FBXL3: variants seen among roughly 807,000 people sequenced by gnomAD.
The protein encoded by FBXL3 is F-box and leucine rich repeat protein 3.
A neutral mutation model predicts 37.9 loss-of-function variants in FBXL3; 14 were observed. The ratio of observed to expected loss-of-function variants is 0.37; its 90% CI spans 0.24 to 0.58. The LOEUF (loss-of-function observed/expected upper bound fraction) is 0.58. Among genes scored for constraint, FBXL3 ranks in the 20% least tolerant of loss-of-function variants. The probability of loss-of-function intolerance (pLI) is 0.74; values close to 1 mark genes in which losing one functional copy is unlikely to be tolerated. For missense variants in FBXL3, 327 were observed against 511.1 expected (o/e 0.64, Z 3.47); for synonymous variants, 194 against 180.1 (o/e 1.08, Z -0.62).
intron 2 of FBXL3, among the ~76,000 whole-genome samples, chr13:77,019,458 CACT>C (rs2034703051): frequency 6.6e-6 from 1 of 152,176 alleles, no homozygotes; most frequent in Non-Finnish European, 1.5e-5. Context: ...GATTCATATA[CACT>C]ACTTTATCCC....
At chr13:77,025,298 A>C (rs1278708695) in intron 1 of FBXL3, among the ~76,000 whole-genome samples, 2 of 152,166 alleles carry the variant, frequency 1.3e-5, no homozygotes, top group African/African-American at 4.8e-5. Context: ...GGCCCCAAAT[A>C]ATGCAACTTA....
chr13:77,015,326 C>A, intron 4 of FBXL3, 83 bp downstream of exon 4: 1 of 1,003,514 alleles, frequency 1.0e-6, no homozygotes, highest in Non-Finnish European at 1.4e-6. Flanking sequence ...AATCCACCTT[C>A]AAGGTTAATG....
Position 77,007,525 on chromosome 13 carries a change from A to C in FBXL3, c.907T>G (p.Phe303Val). ...GTGGCAGGTATTTCATAGCGAAAGA[A>C]GGGGTCAAATTCTTCTTCATATAAA... ...FFLYEEEFDP[F>V]FRYEIPATHL... is the part of the protein sequence containing the mutation. Residue 303 changes from phenylalanine (F) to valine (V), a missense_variant, in exon 5 of 5, where the codon TTC becomes GTC. Physicochemically the swap from Phe to Val is conservative, Grantham distance 50. Coordinates refer to ENST00000355619, the MANE Select transcript of FBXL3 (RefSeq NM_012158.4). 2 of 1,614,200 alleles carry C rather than the reference A, an allele frequency of 1.2e-6. No individual in the cohort carries two copies. The highest frequency in any genetic ancestry group is 1.7e-6 in the Non-Finnish European group (2 of 1,180,040).
rs2034746546 is a variant in FBXL3, at chr13:77,021,690, A to G, written c.171T>C (p.Ala57=). Residue 57 remains alanine, a synonymous_variant, in exon 2 of 5, where the codon GCT becomes GCC. Coordinates refer to ENST00000355619, the MANE Select transcript of FBXL3 (RefSeq NM_012158.4). The stretch of plus-strand genomic sequence containing the variant: ...AGTTGCGGCAAACTTGTGAAGCATG[A>G]GCCCGGTCAAGAAGAGGCAAATATT... ...VFKYLPLLDR[A]HASQVCRNWN... 5.6e-6 allele frequency: 9 copies of G among 1,614,144 alleles called. No individual in the cohort carries two copies. The East Asian group carries it at 1.8e-4, about 32-fold the overall frequency.
chr13:77,020,483 G>A (rs899927154), intron 2 of FBXL3, among the ~76,000 whole-genome samples: 8 of 152,110 alleles, frequency 5.3e-5, no homozygotes, highest in African/African-American at 1.9e-4. Flanking sequence ...TACATTCTTC[G>A]AGGGAAGACA....
intron 1 of FBXL3, among the ~76,000 whole-genome samples, chr13:77,022,609 C>T (rs2034765325): frequency 6.6e-6 from 1 of 152,222 alleles, no homozygotes; most frequent in Non-Finnish European, 1.5e-5. Flanking sequence ...TACTGCCAGA[C>T]ATTTCTTAAC....
At chr13:77,022,774 C>T (rs1236658346) in intron 1 of FBXL3, among the ~76,000 whole-genome samples, 1 of 152,148 alleles carries the variant, frequency 6.6e-6, no homozygotes, top group African/African-American at 2.4e-5. Flanking sequence ...TTAGCACTTT[C>T]ATTCCATTAG....
At chr13:77,010,983 A>T (rs1182731031) in intron 4 of FBXL3, 2 of 152,264 alleles carry the variant, frequency 1.3e-5, no homozygotes, top group African/African-American at 2.4e-5. Context: ...CAGTGACAAA[A>T]GTAAAATAAA....
intron 3 of FBXL3, chr13:77,015,847 G>T (rs573821377): frequency 1.9e-5 from 4 of 210,552 alleles, no homozygotes; most frequent in Non-Finnish European, 3.7e-5. Flanking sequence ...GAAACCACTG[G>T]TAAGTAAAAA....
At position 77,006,741 on chromosome 13, in the gene FBXL3, G is replaced by C. The variant is rs1035698048; in HGVS notation, c.*404C>G. ...CTATATTAAACACCTTATAACAGGT[G>C]TATGTGTAACTGAAGACCCTAAAAT... is the stretch of plus-strand genomic sequence containing the variant. On this transcript the variant is annotated 3_prime_UTR_variant, in exon 5 of 5. Transcript: ENST00000355619. 1 of 882,528 alleles carries C rather than the reference G, an allele frequency of 1.1e-6. No individual in the cohort carries two copies. Among genetic ancestry groups the C allele is most frequent in the African/African-American group, 1.8e-5 (1 of 55,040 alleles). 54.7% of individuals were successfully genotyped at this position (882,528 alleles called of 1,614,324 possible).
intron 1 of FBXL3, 128 bp downstream of exon 1, chr13:77,026,699 G>C (rs1240627746): frequency 2.0e-5 from 3 of 148,350 alleles, no homozygotes; most frequent in Non-Finnish European, 4.5e-5. Flanking sequence ...CTGAGGAGCG[G>C]CCCGCGCGCG....
In FBXL3 at chr13:77,024,746, A is replaced by G. The variant is rs112006514; in HGVS notation, c.-2+2081T>C. ...CTCTTGATCTAGATATAAAAACACT[A>G]TATGATCACCAAAGCCTATTTTAAG... On this transcript the variant is annotated intron_variant, in intron 1 of 4. Transcript: ENST00000355619. Among the ~76,000 whole-genome samples the G allele has an allele frequency of 2.6e-3, 391 of 152,326 alleles. 3 individuals carry two copies. Among genetic ancestry groups the G allele is most frequent in the African/African-American group, 8.8e-3 (365 of 41,578 alleles).
At chr13:77,025,897 T>C (rs946259626) in intron 1 of FBXL3, among the ~76,000 whole-genome samples, 5 of 152,126 alleles carry the variant, frequency 3.3e-5, no homozygotes, top group Non-Finnish European at 7.4e-5. Context: ...ATCAAACTAA[T>C]ATGCATTCTT....
rs2034627833 is a variant in FBXL3 at position 77,015,532 on chromosome 13, G to T, written c.520C>A (p.Leu174Met). The change falls in exon 4 of 5, where the codon CTG becomes ATG. Residue 174 changes from leucine (L) to methionine (M), a missense_variant. Leu to Met is a conservative substitution (Grantham distance 15). Transcript: ENST00000355619. ...LTVVFVNSKS[L>M]SSLKIDDTPV... ...GTATCATCTATCTTAAGCGAAGACAGGGATTTGGAGTTTACGAACACAACT... is the reference window on the plus strand; with the variant it reads ...GTATCATCTATCTTAAGCGAAGACATGGATTTGGAGTTTACGAACACAACT... 6.2e-7 allele frequency: 1 copy of T among 1,602,990 alleles called. No individual in the cohort carries two copies. Among genetic ancestry groups the T allele is most frequent in the East Asian group, 2.3e-5 (1 of 44,310 alleles).
Position 77,005,545 on chromosome 13 carries a change from G to C in FBXL3, c.*1600C>G, listed in dbSNP as rs2154035723. On this transcript the variant is annotated 3_prime_UTR_variant, in exon 5 of 5. Transcript: ENST00000355619. ...GAGCTTTTTACTATTTAGAAGGAGG[G>C]GATATATTACTATAATTGCTGTTAA... is the stretch of plus-strand genomic sequence containing the variant. 1 of 152,386 alleles carries C rather than the reference G, an allele frequency of 6.6e-6. No homozygotes were observed. The highest frequency in any genetic ancestry group is 1.9e-4 in the East Asian group (1 of 5,182). 9.4% of individuals were successfully genotyped at this position (152,386 alleles called of 1,614,324 possible).
At chr13:77,014,976 C>CACTTAGTACAACTTAGTTGTACA (rs894698975) in intron 4 of FBXL3, 6 of 152,314 alleles carry the variant, frequency 3.9e-5, no homozygotes, top group African/African-American at 7.2e-5. Context: ...CTAAGGCTAC[C>CACTTAGTACAACTTAGTTGTACA]ACTTAGTACA....
chr13:77,008,877 A>G lies in FBXL3; in HGVS notation c.644-1089T>C, dbSNP rs570114476. 5.3e-5 allele frequency: 8 copies of G among 152,208 alleles called. No homozygotes were observed. The South Asian group carries it at 1.5e-3, about 28-fold the overall frequency. 9.4% of individuals were successfully genotyped at this position (152,208 alleles called of 1,614,324 possible). ...CTACTATAAGAATTCTACCCCAAAG[A>G]GGCACCTTATATTACCTGGTAAGTT... is the stretch of plus-strand genomic sequence containing the variant. On this transcript the variant is annotated intron_variant, in intron 4 of 4. Transcript: ENST00000355619.
chr13:77,021,212 A>G (rs749381130), intron 2 of FBXL3, among the ~76,000 whole-genome samples: 36 of 152,198 alleles, frequency 2.4e-4, no homozygotes, highest in Admixed American at 7.2e-4. Context: ...ATTTTATTAG[A>G]TATTTCTTCT....
At position 77,005,508 on chromosome 13, in the gene FBXL3, C is replaced by T. The variant is rs2034434980; in HGVS notation, c.*1637G>A. 6.6e-6 allele frequency: 1 copy of T among 152,438 alleles called. No individual in the cohort carries two copies. Among genetic ancestry groups the T allele is most frequent in the African/African-American group, 2.4e-5 (1 of 41,384 alleles). The allele number at this position is 152,438 out of a possible 1,614,324, so 9.4% of individuals were successfully genotyped here. A position where few individuals can be genotyped will look rare whatever the true frequency, so the allele number is the denominator to read the frequency against. On this transcript the variant is annotated 3_prime_UTR_variant, in exon 5 of 5. Transcript: ENST00000355619. Reference sequence around the variant, plus strand: ...AACAACTTGACTAGCACAGGTAATTCTTGTACAATCAGAGCTTTTTACTAT... The same window carrying T: ...AACAACTTGACTAGCACAGGTAATTTTTGTACAATCAGAGCTTTTTACTAT...
Sources: gnomAD v4.1 joint callset for allele counts (sites outside exome capture counted in the v4.1 genomes callset) on GRCh38, gnomAD v4.1.1 for gene constraint, MANE v1.5 for transcripts, NCBI Gene and HGNC (gene_info 2026-07-23, HGNC 2026-07-21) for gene names.